The following PLEKHA7 variants were observed in gnomAD, a reference collection of about 807,000 sequenced individuals.
PLEKHA7 encodes pleckstrin homology domain containing A7.
PLEKHA7 carries 104 observed loss-of-function variants against 170.0 expected under a neutral mutation model. The ratio of observed to expected loss-of-function variants is 0.61; its 90% CI spans 0.52 to 0.72. The LOEUF (loss-of-function observed/expected upper bound fraction) is 0.72, where lower values mean the gene tolerates loss of function less well. Ranked by LOEUF, PLEKHA7 falls within the 30% of genes least tolerant of loss-of-function variation. The pLI is 0.00. For synonymous variants in PLEKHA7, 648 were observed against 660.8 expected (o/e 0.98, Z 0.30); for missense variants, 1,615 against 1,671.7 (o/e 0.97, Z 0.59).
intron 3 of PLEKHA7, among the ~76,000 whole-genome samples, chr11:16,878,132 A>G (rs1855444026): frequency 6.6e-6 from 1 of 152,078 alleles, no homozygotes; most frequent in Non-Finnish European, 1.5e-5. Flanking sequence ...TCCATGTACA[A>G]TATGTGAGGC....
In PLEKHA7 at chr11:16,940,182, C is replaced by T. The variant is rs139146775; in HGVS notation, c.222-69000G>A. On this transcript the variant is annotated intron_variant, in intron 3 of 26. Coordinates refer to ENST00000531066, the MANE Select transcript of PLEKHA7 (RefSeq NM_001329630.2). The stretch of plus-strand genomic sequence containing the variant: ...TGTCTTCTCAGCCCTGTGTCTCTGG[C>T]CCCTAGCACAGTGGCTGGCACATAG... 5.4e-4 allele frequency among the ~76,000 whole-genome samples: 82 copies of T among 152,252 alleles called. 1 individual carries two copies. Among genetic ancestry groups the T allele is most frequent in the African/African-American group, 1.7e-3 (72 of 41,530 alleles).
chr11:16,992,755 CAAA>C (rs10610034), intron 3 of PLEKHA7, among the ~76,000 whole-genome samples: 115 of 119,072 alleles, frequency 9.7e-4, no homozygotes, highest in Middle Eastern at 8.7e-3. Context: ...GACTCTATCT[CAAA>C]AAAAAAAAAA....
intron 3 of PLEKHA7, among the ~76,000 whole-genome samples, chr11:16,971,529 C>T (rs767771789): frequency 3.9e-5 from 6 of 152,146 alleles, no homozygotes; most frequent in Admixed American, 2.6e-4. Flanking sequence ...GTATAGGATA[C>T]GCTCAATAAT....
In PLEKHA7 at chr11:16,794,963, A is replaced by AG. The variant is rs1414530529; in HGVS notation, c.2464dup (p.Leu822ProfsTer5). The AG allele has an allele frequency of 6.2e-7, 1 of 1,613,866 alleles. No individual in the cohort carries two copies. Among genetic ancestry groups the AG allele is most frequent in the South Asian group, 1.1e-5 (1 of 91,064 alleles). ...TCTGAAGTTCTCTTTATTTGCACTC[A>AG]GGCCTGCAGTGACATCTTCAATTCT... On this transcript the variant is annotated frameshift_variant, in exon 18 of 27. Transcript: ENST00000531066. LOFTEE classifies it high-confidence loss of function.
intron 3 of PLEKHA7, among the ~76,000 whole-genome samples, chr11:16,900,010 G>A (rs1857231431): frequency 6.6e-6 from 1 of 152,184 alleles, no homozygotes; most frequent in African/African-American, 2.4e-5. Flanking sequence ...GCACTTGGTG[G>A]TGCTGCTCCT....
In PLEKHA7 at chr11:16,841,716, G is replaced by T. The variant is rs749030640; in HGVS notation, c.703C>A (p.His235Asn). 4.8e-5 allele frequency: 78 copies of T among 1,613,614 alleles called. No homozygotes were observed. The highest frequency in any genetic ancestry group is 6.0e-5 in the Non-Finnish European group (71 of 1,179,874). The part of the protein sequence containing the change: ...ISRKYSFKAV[H>N]TGMRALIYNS... ...TAGATGAGCGCTCGCATCCCCGTGT[G>T]CACAGCCTGTAGCATGAAGGCAGAA... The change falls in exon 9 of 27, where the codon CAC becomes AAC. Residue 235 changes from histidine to asparagine, a missense_variant. His to Asn is a moderately conservative substitution (Grantham distance 68, BLOSUM62 1). Transcript: ENST00000531066.
intron 3 of PLEKHA7, among the ~76,000 whole-genome samples, chr11:16,916,958 C>T (rs1220385516): frequency 6.6e-6 from 1 of 152,154 alleles, no homozygotes; most frequent in Admixed American, 6.5e-5. Flanking sequence ...GTGGCTCACA[C>T]CTGTAATCCC....
chr11:17,014,005 CGCCCTCCTCCGTGAA>C lies in PLEKHA7; in HGVS notation c.190_204del (p.Phe64_Gly68del). 6.5e-7 allele frequency: 1 copy of C among 1,545,906 alleles called. No individual in the cohort carries two copies. Among genetic ancestry groups the C allele is most frequent in the Non-Finnish European group, 8.7e-7 (1 of 1,145,600 alleles). ...CTCACTCACTCGATGAAGTAGCTGG[CGCCCTCCTCCGTGAA>C]GCCCTCCTCCCAGCCGCGGGGCAGG... On this transcript the variant is annotated inframe_deletion, in exon 3 of 27. Transcript: ENST00000531066.
chr11:16,847,056 G>A (rs1247859046), intron 8 of PLEKHA7, among the ~76,000 whole-genome samples: 1 of 151,638 alleles, frequency 6.6e-6, no homozygotes, highest in Non-Finnish European at 1.5e-5. Context: ...TTGGGGAAAG[G>A]GCATTCCAGG....
rs374356246 is a variant in PLEKHA7 at position 16,919,243 on chromosome 11, C to A, written c.222-48061G>T. 1.2e-4 allele frequency among the ~76,000 whole-genome samples: 18 copies of A among 152,088 alleles called. No individual in the cohort carries two copies. In the East Asian group the frequency reaches 2.5e-3, roughly 21 times the overall value. On this transcript the variant is annotated intron_variant, in intron 3 of 26. Coordinates refer to ENST00000531066, the MANE Select transcript of PLEKHA7 (RefSeq NM_001329630.2). ...AGAAAGAAAAGAAAAGAAAGATTCA[C>A]CCCTGTATTACCCCATATCATTGCA...
chr11:16,944,593 AG>A (rs1860906788), intron 3 of PLEKHA7, among the ~76,000 whole-genome samples: 1 of 151,916 alleles, frequency 6.6e-6, no homozygotes, highest in South Asian at 2.1e-4. Context: ...TTGACAAAAC[AG>A]GGCACTATTC....
chr11:16,789,933 G>A lies in PLEKHA7; in HGVS notation c.3053-55C>T. ...TTTGTGCTGGGGTGGATGGGTCCCT[G>A]CTTCTCCCTCATCACACATTCTTGC... On this transcript the variant is annotated intron_variant, in intron 21 of 26. Coordinates refer to ENST00000531066, the MANE Select transcript of PLEKHA7 (RefSeq NM_001329630.2). The surrounding 1 kb of genome is among the most constrained non-coding windows in gnomAD (Gnocchi z 4.6). 1 of 1,449,876 alleles carries A rather than the reference G, an allele frequency of 6.9e-7. No individual in the cohort carries two copies. Among genetic ancestry groups the A allele is most frequent in the Non-Finnish European group, 9.7e-7 (1 of 1,032,926 alleles). 89.8% of individuals were successfully genotyped at this position (1,449,876 alleles called of 1,614,324 possible). A position where few individuals can be genotyped will look rare whatever the true frequency, so the allele number is the denominator to read the frequency against.
chr11:16,849,185 C>A lies in PLEKHA7; in HGVS notation c.696+2006G>T, dbSNP rs984072680. Among the ~76,000 whole-genome samples, 4 of 152,134 alleles carry A rather than the reference C, an allele frequency of 2.6e-5. No individual in the cohort carries two copies. In the East Asian group the frequency reaches 7.7e-4, roughly 29 times the overall value. Reference sequence around the variant, plus strand: ...ATTTAGGGAACTCTCTTAGTAAAGTCTTTCCAAGAAAAATGTTGAGAAAAG... The same window carrying A: ...ATTTAGGGAACTCTCTTAGTAAAGTATTTCCAAGAAAAATGTTGAGAAAAG... On this transcript the variant is annotated intron_variant, in intron 8 of 26. Coordinates refer to ENST00000531066, the MANE Select transcript of PLEKHA7 (RefSeq NM_001329630.2).
At chr11:16,955,000 T>C (rs1861619278) in intron 3 of PLEKHA7, among the ~76,000 whole-genome samples, 1 of 152,236 alleles carries the variant, frequency 6.6e-6, no homozygotes, top group South Asian at 2.1e-4. Flanking sequence ...TCATGCTTTA[T>C]TTTCACATAT....
At chr11:16,949,736 C>G (rs1195146324) in intron 3 of PLEKHA7, among the ~76,000 whole-genome samples, 1 of 152,004 alleles carries the variant, frequency 6.6e-6, no homozygotes, top group Non-Finnish European at 1.5e-5. Context: ...GGAGTTAAGA[C>G]ATGGATATAA....
rs370607764 is a variant in PLEKHA7 at position 16,787,110 on chromosome 11, C to T, written c.3358-723G>A. The T allele has an allele frequency of 3.8e-5, 37 of 985,420 alleles. No homozygotes were observed. In the East Asian group the frequency reaches 1.0e-3, roughly 27 times the overall value. 61.0% of individuals were successfully genotyped at this position (985,420 alleles called of 1,614,324 possible). On this transcript the variant is annotated intron_variant, in intron 23 of 26. Transcript: ENST00000531066. ...AGCTTCCCAAGAGGGAAAATCTAAC[C>T]GATAAGATCCAACCATGACTGTCCA...
intron 3 of PLEKHA7, among the ~76,000 whole-genome samples, chr11:16,919,728 C>T (rs1858949162): frequency 6.6e-6 from 1 of 151,896 alleles, no homozygotes; most frequent in Non-Finnish European, 1.5e-5. Flanking sequence ...TTTCCATTCC[C>T]CTCCAGTTCC....
chr11:16,784,540 T>C (rs4756864), intron 24 of PLEKHA7, among the ~76,000 whole-genome samples: 50,753 of 152,054 alleles, frequency 0.33, 8,557 homozygotes, highest in Admixed American at 0.39. Context: ...GCCCCAAATT[T>C]CACCTCACCA....
At chr11:16,896,382 AC>A (rs1278531178) in intron 3 of PLEKHA7, among the ~76,000 whole-genome samples, 1 of 152,156 alleles carries the variant, frequency 6.6e-6, no homozygotes, top group Non-Finnish European at 1.5e-5. Context: ...GCTAAACACC[AC>A]CATCCCGCAC....
Sources: gnomAD v4.1 joint callset for allele counts (sites outside exome capture counted in the v4.1 genomes callset) on GRCh38, gnomAD v4.1.1 for gene constraint, Gnocchi (gnomAD v3.1) non-coding constraint, MANE v1.5 for transcripts, NCBI Gene and HGNC (gene_info 2026-07-23, HGNC 2026-07-21) for gene names.